The following PSMA3 variants were observed in gnomAD, a reference collection of about 807,000 sequenced individuals.
The protein encoded by PSMA3 is proteasome subunit alpha type-3.
Under a neutral mutation model 40.0 loss-of-function variants are expected in PSMA3, and 8 were observed. That is an observed-to-expected ratio of 0.20 (90% CI 0.12 to 0.36). The LOEUF (loss-of-function observed/expected upper bound fraction) is 0.36, where lower values mean the gene tolerates loss of function less well. Ranked by LOEUF, PSMA3 falls within the 10% of genes least tolerant of loss-of-function variation. The probability of loss-of-function intolerance (pLI) is 1.00; values close to 1 mark genes in which losing one functional copy is unlikely to be tolerated. For synonymous variants in PSMA3, 110 were observed against 100.0 expected, an observed-to-expected ratio of 1.10 and a Z score of -0.59; for missense variants, 219 against 310.6, an observed-to-expected ratio of 0.70 and a Z score of 2.22.
intron 9 of PSMA3, 29 bp from the exon 10 acceptor site, chr14:58,270,905 T>G (rs1890596270): frequency 6.5e-7 from 1 of 1,545,270 alleles, no homozygotes; most frequent in East Asian, 2.3e-5. Flanking sequence ...CAATTTAAAA[T>G]TCATTTACAC....
intron 7 of PSMA3, 119 bp downstream of exon 7, chr14:58,263,889 C>A: frequency 1.2e-6 from 1 of 808,304 alleles, no homozygotes; most frequent in Non-Finnish European, 2.1e-6. Flanking sequence ...CTGGGCCACA[C>A]ATAAAATACA....
At chr14:58,246,072 A>G (rs1392672835) in intron 1 of PSMA3, among the ~76,000 whole-genome samples, 5 of 152,224 alleles carry the variant, frequency 3.3e-5, no homozygotes, top group Non-Finnish European at 7.3e-5. Flanking sequence ...TTTAGTAACA[A>G]TGGTAGGGTT....
chr14:58,247,863 C>T (rs1313793175), intron 2 of PSMA3, 31 bp downstream of exon 2: 4 of 1,430,288 alleles, frequency 2.8e-6, no homozygotes, highest in Non-Finnish European at 3.9e-6. Context: ...TATTACATGT[C>T]TCCTTTTATT....
chr14:58,270,918 G>A lies in PSMA3; in HGVS notation c.659-16G>A. The A allele has an allele frequency of 1.3e-6, 2 of 1,576,970 alleles. No homozygotes were observed. The highest frequency in any genetic ancestry group is 1.7e-6 in the Non-Finnish European group (2 of 1,151,602). ...CTCAATTTAAAATTCATTTACACAT[G>A]TGGCTTAATTTACAGTAACTAATGG... is the stretch of plus-strand genomic sequence containing the variant. On this transcript the variant is annotated splice_polypyrimidine_tract_variant and intron_variant, in intron 9 of 10. Coordinates refer to ENST00000216455, the MANE Select transcript of PSMA3 (RefSeq NM_002788.4).
chr14:58,270,811 A>G (rs757821294), intron 9 of PSMA3, 123 bp from the exon 10 acceptor site: 4 of 873,048 alleles, frequency 4.6e-6, no homozygotes, highest in Non-Finnish European at 5.2e-6. Flanking sequence ...AGTATTACTC[A>G]TAGTACAACT....
intron 2 of PSMA3, 40 bp downstream of exon 2, chr14:58,247,872 T>C (rs1445959199): frequency 9.4e-6 from 13 of 1,387,606 alleles, no homozygotes; most frequent in Non-Finnish European, 1.3e-5. Context: ...TCTCCTTTTA[T>C]TTTATATATT....
chr14:58,270,522 G>A (rs752491253), intron 9 of PSMA3, 37 bp downstream of exon 9: 2 of 1,612,444 alleles, frequency 1.2e-6, no homozygotes, highest in Admixed American at 1.7e-5. Context: ...CCTTAGGAAT[G>A]ATCTGTACCA....
intron 6 of PSMA3, among the ~76,000 whole-genome samples, chr14:58,262,431 C>T (rs139510801): frequency 6.6e-6 from 1 of 152,148 alleles, no homozygotes; most frequent in African/African-American, 2.4e-5. Flanking sequence ...GTCTCGAACT[C>T]CTGATCTCAA....
intron 2 of PSMA3, among the ~76,000 whole-genome samples, chr14:58,249,015 G>T (rs1231800292): frequency 6.6e-6 from 1 of 152,170 alleles, no homozygotes; most frequent in Non-Finnish European, 1.5e-5. Flanking sequence ...GCCCAGGCTG[G>T]AGTGCAATGG....
intron 5 of PSMA3, among the ~76,000 whole-genome samples, chr14:58,259,538 C>G (rs1890222822): frequency 6.6e-6 from 1 of 152,176 alleles, no homozygotes; most frequent in African/African-American, 2.4e-5. Flanking sequence ...TGGTCTCAAA[C>G]TCCTGACCTC....
At chr14:58,250,206 C>T (rs11625883) in intron 2 of PSMA3, among the ~76,000 whole-genome samples, 62,131 of 137,802 alleles carry the variant, frequency 0.45, 15,397 homozygotes, top group Middle Eastern at 0.62. Flanking sequence ...GGCAACAGAG[C>T]GAGACTCCAT....
chr14:58,259,300 A>T (rs140456618), intron 5 of PSMA3, among the ~76,000 whole-genome samples: 35 of 151,888 alleles, frequency 2.3e-4, no homozygotes, highest in Non-Finnish European at 4.4e-4. Flanking sequence ...ACTTTTTTTC[A>T]TAACTTTTTT....
intron 3 of PSMA3, among the ~76,000 whole-genome samples, chr14:58,252,466 G>C (rs144208055): frequency 6.6e-6 from 1 of 152,304 alleles, no homozygotes; most frequent in Non-Finnish European, 1.5e-5. Flanking sequence ...TGGGGAGTAT[G>C]CGTAGAAATG....
chr14:58,264,821 C>T (rs1267384843), intron 7 of PSMA3: 2 of 152,230 alleles, frequency 1.3e-5, no homozygotes, highest in Admixed American at 6.5e-5. Context: ...ACAGAATCAG[C>T]TGGTTCTGAA....
chr14:58,265,155 G>C (rs1890399996), intron 7 of PSMA3: 1 of 152,278 alleles, frequency 6.6e-6, no homozygotes, highest in Non-Finnish European at 1.5e-5. Context: ...CTACTTGGGA[G>C]GCTGAGGCAG....
chr14:58,266,679 A>C (rs1463582740), intron 7 of PSMA3: 2 of 152,112 alleles, frequency 1.3e-5, no homozygotes, highest in Non-Finnish European at 2.9e-5. Context: ...ATCCAATCCA[A>C]TCTATATTCT....
chr14:58,257,909 C>T lies in PSMA3; in HGVS notation c.331-16C>T. The T allele has an allele frequency of 6.2e-7, 1 of 1,613,302 alleles. No individual in the cohort carries two copies. Among genetic ancestry groups the T allele is most frequent in the South Asian group, 1.1e-5 (1 of 91,070 alleles). Reference sequence around the variant, plus strand: ...AATAGAAGTTTATTAATAAGCTCTTCTGCTTCCCTCCATAGCATCTTGCAG... The same window carrying T: ...AATAGAAGTTTATTAATAAGCTCTTTTGCTTCCCTCCATAGCATCTTGCAG... On this transcript the variant is annotated splice_polypyrimidine_tract_variant and intron_variant, in intron 4 of 10. Coordinates refer to ENST00000216455, the MANE Select transcript of PSMA3 (RefSeq NM_002788.4).
intron 1 of PSMA3, chr14:58,245,328 C>T: frequency 4.3e-6 from 1 of 232,084 alleles, no homozygotes; most frequent in Non-Finnish European, 8.9e-6. Context: ...GTCTGGAGAT[C>T]GTGCTTTTTG....
chr14:58,256,144 G>A (rs966614012), intron 3 of PSMA3, among the ~76,000 whole-genome samples: 5 of 151,124 alleles, frequency 3.3e-5, no homozygotes, highest in Admixed American at 6.6e-5. Flanking sequence ...ATGAGCCACC[G>A]TGCCCGGCCT....
Sources: allele counts gnomAD v4.1 joint callset (sites outside exome capture counted in the v4.1 genomes callset), GRCh38; gene constraint gnomAD v4.1.1; transcripts MANE v1.5; gene names NCBI Gene and HGNC (gene_info 2026-07-23, HGNC 2026-07-21).